Variants in VPS18 observed in about 807,000 individuals in gnomAD.
VPS18 encodes the protein VPS18 core subunit of CORVET and HOPS complexes, also known as vacuolar protein sorting-associated protein 18 homolog.
In VPS18, 25 loss-of-function variants were observed where a neutral mutation model predicts 82.0. That is an observed-to-expected ratio of 0.30 (90% confidence interval 0.22 to 0.43). The LOEUF (loss-of-function observed/expected upper bound fraction) is 0.43. VPS18 is among the 20% of genes least tolerant of loss of function. The pLI is 1.00. For synonymous variants in VPS18, 523 were observed against 543.0 expected, an observed-to-expected ratio of 0.96 and a Z score of 0.51; for missense variants, 1,168 against 1,311.1, an observed-to-expected ratio of 0.89 and a Z score of 1.69.
chr15:40,894,975 C>T (rs751152812), intron 1 of VPS18, 116 bp downstream of exon 1: 7 of 1,041,600 alleles, frequency 6.7e-6, no homozygotes, highest in Non-Finnish European at 9.4e-6. Context: ...CCTTCCGGGT[C>T]TAGGCCCCTG....
Position 40,899,242 on chromosome 15 carries a change from G to T in VPS18, c.424G>T (p.Val142Leu), listed in dbSNP as rs1892292810. Reference sequence around the variant, plus strand: ...ACTAGCACGCTGGAAGGGGCAGCTGGTGGAGAGTGTGGGTTGGAACAAGGC... The same window carrying T: ...ACTAGCACGCTGGAAGGGGCAGCTGTTGGAGAGTGTGGGTTGGAACAAGGC... ...RPLARWKGQLVESVGWNKALG... is the reference protein window; with the variant it reads ...RPLARWKGQLLESVGWNKALG... The change falls in exon 4 of 5, where the codon GTG becomes TTG. Residue 142 changes from valine (V) to leucine (L), a missense_variant. By Grantham distance (32) the Val-to-Leu change is conservative (BLOSUM62 1). This residue lies in a region of VPS18 where 868 missense variants were observed against 939.8 expected (regional missense o/e 0.92). Coordinates refer to ENST00000220509, the MANE Select transcript of VPS18 (RefSeq NM_020857.3). The surrounding 1 kb of genome is among the most constrained non-coding windows in gnomAD (Gnocchi z 4.4). 6.2e-7 allele frequency: 1 copy of T among 1,614,254 alleles called. No individual in the cohort carries two copies. Among genetic ancestry groups the T allele is most frequent in the South Asian group, 1.1e-5 (1 of 91,090 alleles).
Position 40,903,512 on chromosome 15 carries a change from C to T in VPS18, c.*171C>T, listed in dbSNP as rs530992191. On this transcript the variant is annotated 3_prime_UTR_variant, in exon 5 of 5. Transcript: ENST00000220509. Reference sequence around the variant, plus strand: ...AGGAGGTGTCAGGTGTGAGTGTATTCTGCCAGCTTTTCATGCTGTTCTTCA... The same window carrying T: ...AGGAGGTGTCAGGTGTGAGTGTATTTTGCCAGCTTTTCATGCTGTTCTTCA... 92 of 889,044 alleles carry T rather than the reference C, an allele frequency of 1.0e-4. No homozygotes were observed. The African/African-American group carries it at 1.4e-3, about 14-fold the overall frequency. 55.1% of individuals were successfully genotyped at this position (889,044 alleles called of 1,614,324 possible).
chr15:40,901,666 G>A (rs1302834405), intron 4 of VPS18, among the ~76,000 whole-genome samples: 4 of 152,124 alleles, frequency 2.6e-5, no homozygotes, highest in Non-Finnish European at 5.9e-5. Context: ...AGCACTTTGG[G>A]AGGCCAAGGT....
At chr15:40,901,794 T>C (rs1422436522) in intron 4 of VPS18, among the ~76,000 whole-genome samples, 1 of 151,984 alleles carries the variant, frequency 6.6e-6, no homozygotes, top group African/African-American at 2.4e-5. Context: ...TAATTCCAGC[T>C]ACTCAGGAGG....
Position 40,903,299 on chromosome 15 carries a change from C to A in VPS18, c.2880C>A (p.Ile960=). The A allele has an allele frequency of 6.4e-7, 1 of 1,557,906 alleles. No individual in the cohort carries two copies. The stretch of plus-strand genomic sequence containing the variant: ...TCCGCTCTATCGACCGGCCGTTCAT[C>A]GACCCCCAGCGCTACGAGGAGGAGC... ...LMIRSIDRPF[I]DPQRYEEEQL... The change falls in exon 5 of 5, where the codon ATC becomes ATA. Residue 960 remains isoleucine, a synonymous_variant. Coordinates refer to ENST00000220509, the MANE Select transcript of VPS18 (RefSeq NM_020857.3).
At chr15:40,901,871 A>T (rs902843769) in intron 4 of VPS18, among the ~76,000 whole-genome samples, 1 of 152,164 alleles carries the variant, frequency 6.6e-6, no homozygotes, top group Admixed American at 6.5e-5. Context: ...GCACCACTGC[A>T]CTCCAGCCCG....
At chr15:40,901,778 C>T (rs547666221) in intron 4 of VPS18, among the ~76,000 whole-genome samples, 8 of 148,322 alleles carry the variant, frequency 5.4e-5, no homozygotes, top group African/African-American at 1.7e-4. Flanking sequence ...TGGTGGCACG[C>T]ACCTGTAATT....
chr15:40,898,168 G>A (rs1236435612), intron 2 of VPS18, among the ~76,000 whole-genome samples: 3 of 150,824 alleles, frequency 2.0e-5, no homozygotes, highest in African/African-American at 4.9e-5. Context: ...TGATTTCACC[G>A]TGGTCTCAAT....
rs770767141 is a variant in VPS18, at chr15:40,902,999, G to T, written c.2580G>T (p.Leu860=). The change falls in exon 5 of 5, where the codon CTG becomes CTT. Residue 860 remains leucine, a synonymous_variant. Transcript: ENST00000220509. This position sits in a 1 kb window ranked among gnomAD's most constrained non-coding sequence, Gnocchi z 4.2. ...QDKCATCDFP[L]LNRPFYLFLC... ...AATGTGCCACCTGCGACTTCCCCCT[G>T]CTCAACCGCCCTTTTTACCTCTTCC... 6.2e-7 allele frequency: 1 copy of T among 1,614,150 alleles called. No homozygotes were observed. The highest frequency in any genetic ancestry group is 1.3e-5 in the African/African-American group (1 of 74,956).
chr15:40,900,525 G>A lies in VPS18; in HGVS notation c.1707G>A (p.Val569=). The A allele has an allele frequency of 2.5e-6, 4 of 1,614,128 alleles. No homozygotes were observed. Among genetic ancestry groups the A allele is most frequent in the South Asian group, 2.2e-5 (2 of 91,088 alleles). Residue 569 remains valine (V), a synonymous_variant, in exon 4 of 5, where the codon GTG becomes GTA. Transcript: ENST00000220509. This position sits in a 1 kb window ranked among gnomAD's most constrained non-coding sequence, Gnocchi z 5.4. ...FAVIMQDYER[V]VAYHCQHEAY... is the part of the protein sequence containing the mutation. The stretch of plus-strand genomic sequence containing the variant: ...TGATCATGCAGGACTATGAGCGGGT[G>A]GTGGCTTACCACTGTCAGCACGAGG...
Position 40,903,272 on chromosome 15 carries a change from G to T in VPS18, c.2853G>T (p.Met951Ile). Residue 951 changes from methionine to isoleucine, a missense_variant, in exon 5 of 5, where the codon ATG becomes ATT. Physicochemically the swap from Met to Ile is conservative, Grantham distance 10 (BLOSUM62 1). Transcript: ENST00000220509. Reference protein sequence around the residue: ...AAECVYCGELMIRSIDRPFID... With the variant: ...AAECVYCGELIIRSIDRPFID... ...AGTGTGTGTACTGTGGGGAGCTGATGATCCGCTCTATCGACCGGCCGTTCA... is the reference window on the plus strand; with the variant it reads ...AGTGTGTGTACTGTGGGGAGCTGATTATCCGCTCTATCGACCGGCCGTTCA... The T allele has an allele frequency of 6.3e-7, 1 of 1,592,994 alleles. No individual in the cohort carries two copies. The highest frequency in any genetic ancestry group is 1.1e-5 in the South Asian group (1 of 88,926).
chr15:40,900,069 G>A lies in VPS18; in HGVS notation c.1251G>A (p.Glu417=), dbSNP rs1324342703. Reference sequence around the variant, plus strand: ...ATCTGGCCAAAGAGTATTGTCGAGAGCGGCCCGACTGCCTGGACACGGTCC... The same window carrying A: ...ATCTGGCCAAAGAGTATTGTCGAGAACGGCCCGACTGCCTGGACACGGTCC... ...RFDLAKEYCR[E]RPDCLDTVLA... The change falls in exon 4 of 5, where the codon GAG becomes GAA. Residue 417 remains glutamate, a synonymous_variant. Transcript: ENST00000220509. The surrounding 1 kb of genome is among the most constrained non-coding windows in gnomAD (Gnocchi z 5.4). 3.7e-6 allele frequency: 6 copies of A among 1,613,566 alleles called. No homozygotes were observed. Among genetic ancestry groups the A allele is most frequent in the African/African-American group, 2.7e-5 (2 of 74,930 alleles).
rs1377619652 is a variant in VPS18 at position 40,900,591 on chromosome 15, C to T, written c.1773C>T (p.Asp591=). The change falls in exon 4 of 5, where the codon GAC becomes GAT. Residue 591 remains aspartate (D), a synonymous_variant. Transcript: ENST00000220509. This position sits in a 1 kb window ranked among gnomAD's most constrained non-coding sequence, Gnocchi z 5.4. Reference sequence around the variant, plus strand: ...TGGCCGTGCTCGCCCGCCACCGTGACCCCCAGCTCTTCTACAAGTTCTCAC... The same window carrying T: ...TGGCCGTGCTCGCCCGCCACCGTGATCCCCAGCTCTTCTACAAGTTCTCAC... ...EALAVLARHR[D]PQLFYKFSPI... 8 of 1,613,978 alleles carry T rather than the reference C, an allele frequency of 5.0e-6. No homozygotes were observed. The highest frequency in any genetic ancestry group is 1.7e-5 in the Admixed American group (1 of 60,030).
In VPS18 at chr15:40,899,179, G is replaced by T; in HGVS notation, c.361G>T (p.Val121Phe). The change falls in exon 4 of 5, where the codon GTC becomes TTC. Residue 121 changes from valine to phenylalanine, a missense_variant. Around this residue, in one of 3 missense-constraint regions of VPS18, gnomAD observed 868 missense variants for 939.8 expected, o/e 0.92. Transcript: ENST00000220509. The surrounding 1 kb of genome is among the most constrained non-coding windows in gnomAD (Gnocchi z 4.4). The stretch of plus-strand genomic sequence containing the variant: ...GCTGATTGCCCTGAGCAGCACGGAG[G>T]TCCTCTACGTGAACCGAAATGGACA... Reference protein sequence around the residue: ...HLLIALSSTEVLYVNRNGQKV... With the variant: ...HLLIALSSTEFLYVNRNGQKV... 6.2e-7 allele frequency: 1 copy of T among 1,614,152 alleles called. No individual in the cohort carries two copies.
chr15:40,902,789 C>T lies in VPS18; in HGVS notation c.2370C>T (p.Pro790=), dbSNP rs778347767. ...TGCTCAAGATTGAGGATGTGCTGCCCTTCTTTCCTGATTTCGTCACCATCG... is the reference window on the plus strand; with the variant it reads ...TGCTCAAGATTGAGGATGTGCTGCCTTTCTTTCCTGATTTCGTCACCATCG... ...CPLLKIEDVL[P]FFPDFVTIDH... Residue 790 remains proline, a synonymous_variant, in exon 5 of 5, where the codon CCC becomes CCT. Transcript: ENST00000220509. This position sits in a 1 kb window ranked among gnomAD's most constrained non-coding sequence, Gnocchi z 4.2. 6.2e-7 allele frequency: 1 copy of T among 1,614,252 alleles called. No homozygotes were observed. Among genetic ancestry groups the T allele is most frequent in the Non-Finnish European group, 8.5e-7 (1 of 1,180,038 alleles).
Position 40,896,086 on chromosome 15 carries a change from A to G in VPS18, c.233+7A>G. 1 of 1,614,190 alleles carries G rather than the reference A, an allele frequency of 6.2e-7. No individual in the cohort carries two copies. The highest frequency in any genetic ancestry group is 8.5e-7 in the Non-Finnish European group (1 of 1,180,014). ...GCAAGGATACACTGCTCCGGTAATCAAGAGCTCACAGAGCTTAGGAGTAGG... is the reference window on the plus strand; with the variant it reads ...GCAAGGATACACTGCTCCGGTAATCGAGAGCTCACAGAGCTTAGGAGTAGG... On this transcript the variant is annotated splice_region_variant and intron_variant, in intron 2 of 4. Transcript: ENST00000220509.
chr15:40,896,515 T>TAAA (rs201872500), intron 2 of VPS18, among the ~76,000 whole-genome samples: 7 of 142,964 alleles, frequency 4.9e-5, no homozygotes, highest in Admixed American at 2.8e-4. Context: ...CCTGTCTCTT[T>TAAA]AAAAAAAAAA....
At chr15:40,897,127 C>T (rs1195152670) in intron 2 of VPS18, among the ~76,000 whole-genome samples, 1 of 151,780 alleles carries the variant, frequency 6.6e-6, no homozygotes, top group Admixed American at 6.6e-5. Flanking sequence ...GAAACCCCTT[C>T]TCTACTAAAA....
In VPS18 at chr15:40,899,533, G is replaced by T. The variant is rs751337114; in HGVS notation, c.715G>T (p.Ala239Ser). The T allele has an allele frequency of 1.2e-6, 2 of 1,609,770 alleles. No homozygotes were observed. Among genetic ancestry groups the T allele is most frequent in the South Asian group, 2.2e-5 (2 of 91,092 alleles). Reference sequence around the variant, plus strand: ...GTTCATAGGCCGAGCAGCAGAGGGGGCTGAGGCCCAGGGTTTCTCAGGGCT... The same window carrying T: ...GTTCATAGGCCGAGCAGCAGAGGGGTCTGAGGCCCAGGGTTTCTCAGGGCT... ...FQFIGRAAEGAEAQGFSGLFA... is the reference protein window; with the variant it reads ...FQFIGRAAEGSEAQGFSGLFA... Residue 239 changes from alanine (A) to serine (S), a missense_variant, in exon 4 of 5, where the codon GCT becomes TCT. By Grantham distance (99) the Ala-to-Ser change is moderately conservative (BLOSUM62 1). Transcript: ENST00000220509. This position sits in a 1 kb window ranked among gnomAD's most constrained non-coding sequence, Gnocchi z 4.4.
Sources: gnomAD v4.1 joint callset for allele counts (sites outside exome capture counted in the v4.1 genomes callset) on GRCh38, gnomAD v4.1.1 for gene constraint, gnomAD v4.1.1 regional missense constraint, Gnocchi (gnomAD v3.1) non-coding constraint, MANE v1.5 for transcripts, NCBI Gene and HGNC (gene_info 2026-07-23, HGNC 2026-07-21) for gene names.